DSCAML1: variants seen among roughly 807,000 people sequenced by gnomAD.
The protein encoded by DSCAML1 is DS cell adhesion molecule like 1.
A neutral mutation model predicts 200.5 loss-of-function variants in DSCAML1; 38 were observed. That is an observed-to-expected ratio of 0.19 (90% CI 0.15 to 0.25). DSCAML1 has a LOEUF of 0.25. DSCAML1 is among the 10% of genes least tolerant of loss of function. The probability of loss-of-function intolerance (pLI) is 1.00; values close to 1 mark genes in which losing one functional copy is unlikely to be tolerated. For synonymous variants in DSCAML1, 1,215 were observed against 1,165.0 expected, an observed-to-expected ratio of 1.04 and a Z score of -0.87; for missense variants, 2,223 against 2,858.8, an observed-to-expected ratio of 0.78 and a Z score of 5.07.
intron 3 of DSCAML1, among the ~76,000 whole-genome samples, chr11:117,765,193 T>G (rs530514417): frequency 6.6e-6 from 1 of 152,216 alleles, no homozygotes; most frequent in Non-Finnish European, 1.5e-5. Flanking sequence ...CCCTCCATAC[T>G]GGGATGCAGA....
At chr11:117,709,377 T>C (rs1337921605) in intron 3 of DSCAML1, among the ~76,000 whole-genome samples, 1 of 152,196 alleles carries the variant, frequency 6.6e-6, no homozygotes, top group Non-Finnish European at 1.5e-5. Flanking sequence ...ACATGGCAGA[T>C]GGAGAGCGAG....
At chr11:117,467,596 TG>T (rs570575184) in intron 16 of DSCAML1, among the ~76,000 whole-genome samples, 86 of 152,310 alleles carry the variant, frequency 5.6e-4, no homozygotes, top group East Asian at 3.9e-4. Context: ...TTAACATAAT[TG>T]TTTTGGACTC....
At chr11:117,678,126 C>T (rs1465466169) in intron 3 of DSCAML1, among the ~76,000 whole-genome samples, 1 of 152,236 alleles carries the variant, frequency 6.6e-6, no homozygotes, top group Non-Finnish European at 1.5e-5. Flanking sequence ...GACAAGCTCG[C>T]TCTACCAGCT....
intron 3 of DSCAML1, among the ~76,000 whole-genome samples, chr11:117,572,366 C>T (rs989790992): frequency 6.6e-6 from 1 of 152,230 alleles, no homozygotes; most frequent in African/African-American, 2.4e-5. Flanking sequence ...GGAAATGTCA[C>T]CCAGCTGGCT....
intron 3 of DSCAML1, among the ~76,000 whole-genome samples, chr11:117,574,130 C>G (rs1405743964): frequency 1.3e-5 from 2 of 152,218 alleles, no homozygotes; most frequent in Non-Finnish European, 2.9e-5. Context: ...ACTCTGGCAG[C>G]TGCACATTCT....
intron 3 of DSCAML1, among the ~76,000 whole-genome samples, chr11:117,681,436 T>C (rs2053311494): frequency 6.6e-6 from 1 of 152,212 alleles, no homozygotes; most frequent in Non-Finnish European, 1.5e-5. Context: ...TTGAAGGCCC[T>C]CTGGCTTGAC....
Position 117,435,717 on chromosome 11 carries a change from C to T in DSCAML1, c.4803G>A (p.Leu1601=). The T allele has an allele frequency of 6.2e-7, 1 of 1,613,374 alleles. No individual in the cohort carries two copies. The highest frequency in any genetic ancestry group is 8.5e-7 in the Non-Finnish European group (1 of 1,179,360). Residue 1601 remains leucine, a synonymous_variant, in exon 27 of 33, where the codon CTG becomes CTA. Coordinates refer to ENST00000651296, the MANE Select transcript of DSCAML1 (RefSeq NM_020693.4). Reference sequence around the variant, plus strand: ...AGAGCAGTGCCACCCCCAGTGTGGCCAGGATGACAGGGCAGCCGATGGTGA... The same window carrying T: ...AGAGCAGTGCCACCCCCAGTGTGGCTAGGATGACAGGGCAGCCGATGGTGA... ...KLFTIGCPVI[L]ATLGVALLFI...
chr11:117,514,606 G>C (rs1283513822), intron 8 of DSCAML1, among the ~76,000 whole-genome samples: 1 of 114,358 alleles, frequency 8.7e-6, no homozygotes, highest in Non-Finnish European at 1.7e-5. Context: ...TTTTGAGATG[G>C]AGTTTCACTC....
At chr11:117,552,569 C>T (rs1197455280) in intron 3 of DSCAML1, among the ~76,000 whole-genome samples, 1 of 152,158 alleles carries the variant, frequency 6.6e-6, no homozygotes, top group Admixed American at 6.5e-5. Context: ...ACCTTGAAAA[C>T]AGAGATTAAC....
chr11:117,750,145 TG>T (rs1016741419), intron 3 of DSCAML1, among the ~76,000 whole-genome samples: 21 of 152,314 alleles, frequency 1.4e-4, no homozygotes, highest in Non-Finnish European at 1.3e-4. Context: ...GGCATCTGGC[TG>T]GAAGAGAGAG....
chr11:117,732,670 G>A (rs2054243555), intron 3 of DSCAML1, among the ~76,000 whole-genome samples: 1 of 152,172 alleles, frequency 6.6e-6, no homozygotes, highest in Non-Finnish European at 1.5e-5. Context: ...TGTCACTTCT[G>A]AAAGGTCTGC....
At chr11:117,471,669 G>C (rs1454517492) in intron 15 of DSCAML1, among the ~76,000 whole-genome samples, 200 bp downstream of exon 15, 5 of 135,654 alleles carry the variant, frequency 3.7e-5, no homozygotes, top group Non-Finnish European at 8.0e-5. Flanking sequence ...CCCAAACCCA[G>C]TATCTAGAAC....
intron 3 of DSCAML1, among the ~76,000 whole-genome samples, chr11:117,759,718 C>G (rs990621955): frequency 3.6e-5 from 5 of 139,026 alleles, no homozygotes; most frequent in African/African-American, 7.6e-5. Flanking sequence ...CTCCTGCACC[C>G]CCAGCTACAG....
intron 3 of DSCAML1, among the ~76,000 whole-genome samples, chr11:117,695,227 A>T (rs1289226021): frequency 6.6e-6 from 1 of 152,202 alleles, no homozygotes; most frequent in Non-Finnish European, 1.5e-5. Flanking sequence ...GGATGCGAGA[A>T]AGGCAAAGAC....
At chr11:117,773,086 C>T (rs151012618) in intron 3 of DSCAML1, among the ~76,000 whole-genome samples, 17 of 152,318 alleles carry the variant, frequency 1.1e-4, no homozygotes, top group African/African-American at 2.2e-4. Flanking sequence ...CAGGGATAGC[C>T]GGGAAGGCTA....
chr11:117,534,396 C>T (rs1051330265), intron 3 of DSCAML1, among the ~76,000 whole-genome samples: 3 of 152,234 alleles, frequency 2.0e-5, no homozygotes, highest in Non-Finnish European at 4.4e-5. Context: ...CTCCCTCCCT[C>T]ACTCAGCAGC....
intron 3 of DSCAML1, among the ~76,000 whole-genome samples, chr11:117,716,069 C>G (rs948396675): frequency 6.6e-6 from 1 of 152,232 alleles, no homozygotes; most frequent in Admixed American, 6.5e-5. Flanking sequence ...TGTACTAACC[C>G]AGGCTGACGC....
rs1324700562 is a variant in DSCAML1 at position 117,443,938 on chromosome 11, A to C, written c.3810T>G (p.Ser1270=). 2 of 1,613,148 alleles carry C rather than the reference A, an allele frequency of 1.2e-6. No homozygotes were observed. The highest frequency in any genetic ancestry group is 3.3e-5 in the Admixed American group (2 of 59,982). ...QYLLWVAAVT[S]AGRGNSSEKV... Reference sequence around the variant, plus strand: ...TCTCGCTGCTGTTGCCCCGGCCGGCAGAGGTGACGGCGGCCACCCACAGCA... The same window carrying C: ...TCTCGCTGCTGTTGCCCCGGCCGGCCGAGGTGACGGCGGCCACCCACAGCA... The change falls in exon 21 of 33, where the codon TCT becomes TCG. Residue 1270 remains serine, a synonymous_variant. Transcript: ENST00000651296.
chr11:117,496,757 C>G (rs1241970003), intron 11 of DSCAML1, among the ~76,000 whole-genome samples: 1 of 152,208 alleles, frequency 6.6e-6, no homozygotes, highest in Non-Finnish European at 1.5e-5. Flanking sequence ...CCCTTAGGGA[C>G]AAGCACTTTT....
Sources: allele counts gnomAD v4.1 joint callset (sites outside exome capture counted in the v4.1 genomes callset), GRCh38; gene constraint gnomAD v4.1.1; transcripts MANE v1.5; gene names NCBI Gene and HGNC (gene_info 2026-07-23, HGNC 2026-07-21).